The following TENM3 variants were observed in gnomAD, a reference collection of about 807,000 sequenced individuals.
The protein encoded by TENM3 is teneurin-3.
In TENM3, 63 loss-of-function variants were observed where a neutral mutation model predicts 255.1. The ratio of observed to expected loss-of-function variants is 0.25; its 90% confidence interval spans 0.20 to 0.30. TENM3 has a LOEUF of 0.30. Ranked by LOEUF, TENM3 falls within the 10% of genes least tolerant of loss-of-function variation. The pLI is 1.00. For missense variants in TENM3, 2,929 were observed against 3,461.1 expected (o/e 0.85, Z 3.86); for synonymous variants, 1,306 against 1,322.3 (o/e 0.99, Z 0.27).
At chr4:181,955,919 G>A in the TENM3 span, among the ~76,000 whole-genome samples, 1 of 152,106 alleles carries the variant, frequency 6.6e-6, no homozygotes, top group East Asian at 1.9e-4. Context: ...AAAATGAAAG[G>A]AACCAAACAA....
At chr4:182,071,150 A>G in the TENM3 span, among the ~76,000 whole-genome samples, 5 of 152,296 alleles carry the variant, frequency 3.3e-5, no homozygotes, top group East Asian at 7.7e-4. Context: ...CTATTTCAAG[A>G]CTATGGATAT....
Position 182,794,728 on chromosome 4 carries a change from C to G in TENM3, c.7213+843C>G, listed in dbSNP as rs539222355. Among the ~76,000 whole-genome samples the G allele has an allele frequency of 7.2e-5, 11 of 152,354 alleles. No individual in the cohort carries two copies. In the South Asian group the frequency reaches 2.1e-3, roughly 29 times the overall value. On this transcript the variant is annotated intron_variant, in intron 26 of 27. Coordinates refer to ENST00000511685, the MANE Select transcript of TENM3 (RefSeq NM_001080477.4). ...TTTAGTTATGCAAGATGTAGAACATCAGATCCCACTTCTGCCACCATGGAA... is the reference window on the plus strand; with the variant it reads ...TTTAGTTATGCAAGATGTAGAACATGAGATCCCACTTCTGCCACCATGGAA...
intron 1 of TENM3, among the ~76,000 whole-genome samples, chr4:182,193,002 C>A (rs1360742498): frequency 6.6e-6 from 1 of 152,110 alleles, no homozygotes; most frequent in Non-Finnish European, 1.5e-5. Context: ...CCTAATCTTC[C>A]TATCATGATG....
the TENM3 span, among the ~76,000 whole-genome samples, chr4:181,540,940 C>T: frequency 0.046 from 6,931 of 151,958 alleles, 233 homozygotes; most frequent in South Asian, 0.15. Context: ...ACTATACTAA[C>T]GAGGGGAAGC....
the TENM3 span, among the ~76,000 whole-genome samples, chr4:181,738,708 A>G: frequency 2.6e-5 from 4 of 151,930 alleles, no homozygotes; most frequent in South Asian, 8.3e-4. Flanking sequence ...TCTCCCAAGC[A>G]TGCATTCTGA....
the TENM3 span, among the ~76,000 whole-genome samples, chr4:181,813,935 A>T: frequency 2.6e-5 from 4 of 152,338 alleles, no homozygotes; most frequent in East Asian, 5.8e-4. Flanking sequence ...TTAATAAGAA[A>T]AAATGGGAGA....
At chr4:182,536,918 C>CT (rs947080807) in intron 3 of TENM3, among the ~76,000 whole-genome samples, 1 of 151,996 alleles carries the variant, frequency 6.6e-6, no homozygotes, top group African/African-American at 2.4e-5. Context: ...GTCAGGGGTT[C>CT]TTTTTTTTCC....
intron 22 of TENM3, among the ~76,000 whole-genome samples, chr4:182,772,024 G>T (rs1764275284): frequency 6.6e-6 from 1 of 152,012 alleles, no homozygotes; most frequent in Non-Finnish European, 1.5e-5. Context: ...CGAATTAATG[G>T]GATCAGCTCA....
the TENM3 span, among the ~76,000 whole-genome samples, chr4:181,640,483 T>A: frequency 1.3e-5 from 2 of 152,162 alleles, no homozygotes; most frequent in African/African-American, 4.8e-5. Flanking sequence ...TTACAAGCCA[T>A]CCTTTTCCTT....
Position 182,587,503 on chromosome 4 carries a change from C to T in TENM3, c.512-13421C>T, listed in dbSNP as rs151098901. On this transcript the variant is annotated intron_variant, in intron 3 of 27. Transcript: ENST00000511685. ...CTGAGGCAAGAGAATTGCTTGAACC[C>T]GGGAGACAGAGGTCGCAGTGAGCCA... Among the ~76,000 whole-genome samples, 384 of 152,228 alleles carry T rather than the reference C, an allele frequency of 2.5e-3. 3 individuals carry two copies. Among genetic ancestry groups the T allele is most frequent in the African/African-American group, 8.7e-3 (360 of 41,536 alleles).
rs397964405 is a variant in TENM3 at position 182,469,713 on chromosome 4, C to CAAA, written c.511+122798_511+122800dup. Among the ~76,000 whole-genome samples the CAAA allele has an allele frequency of 1.6e-3, 173 of 105,016 alleles. 4 individuals carry two copies. Among genetic ancestry groups the CAAA allele is most frequent in the East Asian group, 5.7e-3 (21 of 3,666 alleles). The allele number at this position is 105,016 out of a possible 152,430, so 68.9% of individuals were successfully genotyped here. ...TGGGCAACAGAGCGAGACTCTGTCT[C>CAAA]AAAAAAAAAAAAAAAAGAGAACTGG... On this transcript the variant is annotated intron_variant, in intron 3 of 27. Transcript: ENST00000511685.
the TENM3 span, among the ~76,000 whole-genome samples, chr4:181,974,420 T>C: frequency 6.6e-6 from 1 of 151,918 alleles, no homozygotes; most frequent in South Asian, 2.1e-4. Context: ...ATACAAAAAT[T>C]AGTCAGGCAT....
chr4:182,505,793 T>G (rs1736755714), intron 3 of TENM3, among the ~76,000 whole-genome samples: 1 of 152,196 alleles, frequency 6.6e-6, no homozygotes, highest in Admixed American at 6.5e-5. Context: ...AGATTCAGTT[T>G]CCTCATGACA....
At chr4:182,779,293 T>C (rs113536335) in intron 24 of TENM3, among the ~76,000 whole-genome samples, 3,731 of 151,052 alleles carry the variant, frequency 0.025, 144 homozygotes, top group African/African-American at 0.086. Context: ...CACCTATGAG[T>C]GAGAATATAC....
intron 3 of TENM3, among the ~76,000 whole-genome samples, chr4:182,517,379 CTTTTTTTTT>C (rs780908155): frequency 2.2e-5 from 2 of 89,414 alleles, no homozygotes; most frequent in Non-Finnish European, 2.1e-5. Flanking sequence ...AAAGTTCATT[CTTTTTTTTT>C]TTTTTTTTTT....
At chr4:181,968,837 A>AT in the TENM3 span, among the ~76,000 whole-genome samples, 1 of 152,084 alleles carries the variant, frequency 6.6e-6, no homozygotes, top group Non-Finnish European at 1.5e-5. Flanking sequence ...CCTACCATAA[A>AT]TTTTTTTAAA....
At chr4:181,747,604 A>T in the TENM3 span, among the ~76,000 whole-genome samples, 1 of 152,106 alleles carries the variant, frequency 6.6e-6, no homozygotes, top group Non-Finnish European at 1.5e-5. Context: ...TAAGAAAATT[A>T]TTATTTTACA....
At chr4:182,206,307 C>T (rs1199105283) in intron 1 of TENM3, among the ~76,000 whole-genome samples, 3 of 152,176 alleles carry the variant, frequency 2.0e-5, no homozygotes, top group Non-Finnish European at 4.4e-5. Flanking sequence ...GGGATGATTG[C>T]TTTCCCCACA....
chr4:181,641,644 G>A, the TENM3 span, among the ~76,000 whole-genome samples: 40 of 29,814 alleles, frequency 1.3e-3, no homozygotes, highest in Non-Finnish European at 2.7e-3. Context: ...ATATATAATG[G>A]AAAATATATA....
Sources: gnomAD v4.1 joint callset for allele counts (sites outside exome capture counted in the v4.1 genomes callset) on GRCh38, gnomAD v4.1.1 for gene constraint, MANE v1.5 for transcripts, NCBI Gene and HGNC (gene_info 2026-07-23, HGNC 2026-07-21) for gene names.